Variants in TBC1D32 observed in about 807,000 individuals in gnomAD.
TBC1D32 encodes the protein protein broad-minded.
In TBC1D32, 151 loss-of-function variants were observed where a neutral mutation model predicts 170.3. The ratio of observed to expected loss-of-function variants is 0.89; its 90% CI spans 0.78 to 1.01. TBC1D32 has a LOEUF of 1.01. Ranked by LOEUF, TBC1D32 falls within the 50% of genes least tolerant of loss-of-function variation. TBC1D32 has a pLI of 0.00. For synonymous variants in TBC1D32, 498 were observed against 488.0 expected, an observed-to-expected ratio of 1.02 and a Z score of -0.27; for missense variants, 1,464 against 1,457.1, an observed-to-expected ratio of 1.00 and a Z score of -0.08.
Position 121,227,028 on chromosome 6 carries a change from G to C in TBC1D32, c.2365-3676C>G, listed in dbSNP as rs367789314. ...TGTCTTGGGCCACACATAAAATACAGTAACAATAGCTAATGAGCTAAGAAA... is the reference window on the plus strand; with the variant it reads ...TGTCTTGGGCCACACATAAAATACACTAACAATAGCTAATGAGCTAAGAAA... On this transcript the variant is annotated intron_variant, in intron 20 of 31. Coordinates refer to ENST00000398212, the MANE Select transcript of TBC1D32 (RefSeq NM_152730.6). 1.1e-4 allele frequency among the ~76,000 whole-genome samples: 17 copies of C among 152,058 alleles called. No individual in the cohort carries two copies. The East Asian group carries it at 1.5e-3, about 14-fold the overall frequency.
chr6:121,237,805 A>C (rs1387490422), intron 20 of TBC1D32, among the ~76,000 whole-genome samples: 1 of 151,958 alleles, frequency 6.6e-6, no homozygotes, highest in Non-Finnish European at 1.5e-5. Flanking sequence ...TAAAATCCTA[A>C]ATTCTTCATT....
intron 15 of TBC1D32, among the ~76,000 whole-genome samples, chr6:121,269,962 T>C (rs1801125782): frequency 1.3e-5 from 2 of 151,938 alleles, no homozygotes; most frequent in African/African-American, 2.4e-5. Context: ...AGAAACTCAC[T>C]CAAAACTGCT....
intron 31 of TBC1D32, among the ~76,000 whole-genome samples, chr6:121,087,950 ATTTT>A (rs571335757): frequency 3.1e-4 from 44 of 141,404 alleles, no homozygotes; most frequent in African/African-American, 4.9e-4. Flanking sequence ...TACATGGGGA[ATTTT>A]TTTTTTTTTT....
intron 24 of TBC1D32, among the ~76,000 whole-genome samples, chr6:121,140,333 A>T (rs1582933463): frequency 2.6e-5 from 2 of 76,854 alleles, no homozygotes; most frequent in South Asian, 5.6e-4. Context: ...GGTTGGGGCA[A>T]AAAAAAAAAA....
intron 30 of TBC1D32, among the ~76,000 whole-genome samples, chr6:121,100,213 C>T (rs192802555): frequency 3.2e-3 from 490 of 151,864 alleles, no homozygotes; most frequent in African/African-American, 0.011. Context: ...GGAATAAGTG[C>T]GATGTGGTGC....
At chr6:121,310,183 G>C (rs1201043711) in intron 4 of TBC1D32, among the ~76,000 whole-genome samples, 1 of 152,026 alleles carries the variant, frequency 6.6e-6, no homozygotes, top group Non-Finnish European at 1.5e-5. Context: ...TGTATAACAT[G>C]ATGACATGAT....
chr6:121,288,259 G>A (rs1804215690), intron 12 of TBC1D32, among the ~76,000 whole-genome samples: 2 of 152,050 alleles, frequency 1.3e-5, no homozygotes, highest in East Asian at 3.9e-4. Flanking sequence ...CTGCTAACAA[G>A]ACTAATAAAG....
intron 31 of TBC1D32, 131 bp downstream of exon 31, chr6:121,090,722 G>C: frequency 1.3e-6 from 1 of 751,770 alleles, no homozygotes; most frequent in Non-Finnish European, 2.1e-6. Flanking sequence ...TCTAAAATGG[G>C]GATGATAATA....
chr6:121,102,678 G>A (rs1309712661), intron 30 of TBC1D32, among the ~76,000 whole-genome samples: 2 of 152,042 alleles, frequency 1.3e-5, no homozygotes, highest in Non-Finnish European at 2.9e-5. Context: ...CATAGGCATG[G>A]GCAAGGACTT....
intron 22 of TBC1D32, among the ~76,000 whole-genome samples, chr6:121,191,598 A>T (rs1030747663): frequency 2.0e-5 from 3 of 152,128 alleles, no homozygotes; most frequent in Non-Finnish European, 4.4e-5. Context: ...CCAAATTCAG[A>T]TCTGTGTTTT....
chr6:121,197,660 T>C (rs1377946407), intron 22 of TBC1D32, among the ~76,000 whole-genome samples: 1 of 152,210 alleles, frequency 6.6e-6, no homozygotes, highest in African/African-American at 2.4e-5. Context: ...GTAAGAAGGA[T>C]AGCTGTATTA....
intron 3 of TBC1D32, among the ~76,000 whole-genome samples, chr6:121,311,887 C>T (rs1039033678): frequency 1.2e-4 from 19 of 152,202 alleles, no homozygotes; most frequent in Middle Eastern, 3.4e-3. Context: ...CCATTTGACC[C>T]AGCAATCCCA....
In TBC1D32 at chr6:121,304,914, A is replaced by C. The variant is rs1807091705; in HGVS notation, c.691-81T>G. ...ATGAAACATTTTTCACACAGTAAAA[A>C]CTCAGAAAATAAAATAAATACAAAT... On this transcript the variant is annotated intron_variant, in intron 5 of 31. Coordinates refer to ENST00000398212, the MANE Select transcript of TBC1D32 (RefSeq NM_152730.6). The C allele has an allele frequency of 1.3e-5, 12 of 930,268 alleles. No individual in the cohort carries two copies. The East Asian group carries it at 2.9e-4, about 23-fold the overall frequency. 57.6% of individuals were successfully genotyped at this position (930,268 alleles called of 1,614,324 possible). A position where few individuals can be genotyped will look rare whatever the true frequency, so the allele number is the denominator to read the frequency against.
At chr6:121,127,235 TCCA>T (rs751409137) in intron 25 of TBC1D32, among the ~76,000 whole-genome samples, 6 of 152,160 alleles carry the variant, frequency 3.9e-5, no homozygotes, top group Non-Finnish European at 7.4e-5. Flanking sequence ...TGAACCCTAT[TCCA>T]CAAACAAGTA....
At chr6:121,276,520 A>G (rs1213173834) in intron 15 of TBC1D32, among the ~76,000 whole-genome samples, 1 of 152,072 alleles carries the variant, frequency 6.6e-6, no homozygotes, top group Non-Finnish European at 1.5e-5. Flanking sequence ...TAGAACACAA[A>G]AAAAGGGCAA....
chr6:121,151,035 T>G (rs1031803050), intron 24 of TBC1D32, among the ~76,000 whole-genome samples: 23 of 152,108 alleles, frequency 1.5e-4, no homozygotes, highest in African/African-American at 5.6e-4. Flanking sequence ...TTGTTTCTTG[T>G]CTTCTGCTAG....
At chr6:121,151,334 G>A (rs1784187157) in intron 24 of TBC1D32, among the ~76,000 whole-genome samples, 1 of 152,118 alleles carries the variant, frequency 6.6e-6, no homozygotes, top group Non-Finnish European at 1.5e-5. Flanking sequence ...TTAATCCTGA[G>A]TTCTAATTTG....
chr6:121,243,827 T>C (rs556910063), intron 17 of TBC1D32, among the ~76,000 whole-genome samples: 1 of 151,632 alleles, frequency 6.6e-6, no homozygotes, highest in East Asian at 1.9e-4. Flanking sequence ...GCACTTCCAA[T>C]ATTTAATGAA....
At position 121,263,619 on chromosome 6, in the gene TBC1D32, C is replaced by T. The variant is rs951427276; in HGVS notation, c.1734-7334G>A. Among the ~76,000 whole-genome samples, 62 of 152,246 alleles carry T rather than the reference C, an allele frequency of 4.1e-4. 1 individual carries two copies. The highest frequency in any genetic ancestry group is 1.4e-3 in the African/African-American group (58 of 41,558). On this transcript the variant is annotated intron_variant, in intron 15 of 31. Transcript: ENST00000398212. ...ACCTAATAGATATCTACAGAACTCT[C>T]CACCCGAAAACAACAGAATATACAT...
Sources: gnomAD v4.1 joint callset for allele counts (sites outside exome capture counted in the v4.1 genomes callset) on GRCh38, gnomAD v4.1.1 for gene constraint, MANE v1.5 for transcripts, NCBI Gene and HGNC (gene_info 2026-07-23, HGNC 2026-07-21) for gene names.